ERCC6: variants seen among roughly 807,000 people sequenced by gnomAD.
The protein encoded by ERCC6 is ERCC excision repair 6, chromatin remodeling factor.
In ERCC6, 116 loss-of-function variants were observed where a neutral mutation model predicts 158.7. The observed-to-expected ratio is 0.73, with a 90% CI of 0.63 to 0.85. The LOEUF (loss-of-function observed/expected upper bound fraction) is 0.85, where lower values mean the gene tolerates loss of function less well. Ranked by LOEUF, ERCC6 falls within the 40% of genes least tolerant of loss-of-function variation. The pLI, the probability that ERCC6 is intolerant of heterozygous loss-of-function variation, is 0.00. For missense variants in ERCC6, 1,698 were observed against 1,799.4 expected, an observed-to-expected ratio of 0.94 and a Z score of 1.02; for synonymous variants, 678 against 659.3, an observed-to-expected ratio of 1.03 and a Z score of -0.43.
the ERCC6 span, among the ~76,000 whole-genome samples, chr10:49,436,185 G>A: frequency 6.6e-6 from 1 of 151,984 alleles, no homozygotes; most frequent in South Asian, 2.1e-4. Flanking sequence ...CTCTCTCCAT[G>A]CTTAAAAATT....
At chr10:49,481,903 C>A (rs149860966) in intron 10 of ERCC6, among the ~76,000 whole-genome samples, 1 of 152,316 alleles carries the variant, frequency 6.6e-6, no homozygotes, top group African/African-American at 2.4e-5. Flanking sequence ...GTGGTTCCTG[C>A]AGGTCACTCA....
At chr10:49,446,329 A>T in the ERCC6 span, among the ~76,000 whole-genome samples, 1 of 152,152 alleles carries the variant, frequency 6.6e-6, no homozygotes, top group Non-Finnish European at 1.5e-5. Flanking sequence ...ACCTCCAGCC[A>T]GTGCAGTAAT....
rs186126620 is a variant in ERCC6 at position 49,508,696 on chromosome 10, G to A, written c.1398-2684C>T. On this transcript the variant is annotated intron_variant, in intron 5 of 20. Coordinates refer to ENST00000355832, the MANE Select transcript of ERCC6 (RefSeq NM_000124.4). The stretch of plus-strand genomic sequence containing the variant: ...AACCACATGCATACAGAGCTCAGGC[G>A]AAGAGATTCTTCTGTTACATAAGCA... Among the ~76,000 whole-genome samples the A allele has an allele frequency of 2.6e-5, 4 of 152,226 alleles. No individual in the cohort carries two copies. In the East Asian group the frequency reaches 5.8e-4, roughly 22 times the overall value.
intron 8 of ERCC6, among the ~76,000 whole-genome samples, chr10:49,491,440 C>T (rs1246848334): frequency 1.3e-5 from 2 of 152,134 alleles, no homozygotes; most frequent in African/African-American, 4.8e-5. Context: ...AAGTTAGAGT[C>T]CTTGGTAAAC....
intron 18 of ERCC6, among the ~76,000 whole-genome samples, chr10:49,467,848 C>T (rs1180194205): frequency 1.3e-5 from 2 of 152,094 alleles, no homozygotes; most frequent in Admixed American, 6.6e-5. Context: ...GGATTACAGG[C>T]TGAGCCACCA....
At chr10:49,514,286 C>G (rs565522767) in intron 5 of ERCC6, among the ~76,000 whole-genome samples, 1 of 152,248 alleles carries the variant, frequency 6.6e-6, no homozygotes, top group South Asian at 2.1e-4. Flanking sequence ...ACAGTAAAAT[C>G]AGTTTAGCAG....
At position 49,482,786 on chromosome 10, in the gene ERCC6, G is replaced by A. The variant is rs1462772442; in HGVS notation, c.2070C>T (p.Asp690=). The A allele has an allele frequency of 1.9e-6, 3 of 1,613,408 alleles. No homozygotes were observed. Among genetic ancestry groups the A allele is most frequent in the Admixed American group, 1.7e-5 (1 of 59,916 alleles). The change falls in exon 10 of 21, where the codon GAC becomes GAT. Residue 690 remains aspartate (D), a synonymous_variant. Coordinates refer to ENST00000355832, the MANE Select transcript of ERCC6 (RefSeq NM_000124.4). ...NNLRELWSLF[D]FIFPGKLGTL... ...TGCCTAACTTTCCCGGGAAGATGAA[G>A]TCAAAGAGCGACCACAGCTCTCGGA...
intron 7 of ERCC6, among the ~76,000 whole-genome samples, chr10:49,494,716 C>A (rs749184579): frequency 1.7e-4 from 26 of 152,186 alleles, no homozygotes; most frequent in Non-Finnish European, 3.1e-4. Context: ...GACTGACCAA[C>A]TTTGTAAGGA....
chr10:49,473,169 G>A (rs1418213549), intron 14 of ERCC6, 141 bp from the exon 15 acceptor site: 6 of 1,153,808 alleles, frequency 5.2e-6, no homozygotes, highest in Non-Finnish European at 7.5e-6. Flanking sequence ...GACCTCTGGT[G>A]AATCAAAATC....
Position 49,470,372 on chromosome 10 carries a change from C to T in ERCC6, c.3588G>A (p.Leu1196=). ...TTTGCTTTGGTCTCAGATGTTTCTC[C>T]AGGGTCTCTTCTTCTGCCACACTAT... ...KHHSVAEEET[L]EKHLRPKQKP... Residue 1196 remains leucine, a synonymous_variant, in exon 18 of 21, where the codon CTG becomes CTA. Transcript: ENST00000355832. The T allele has an allele frequency of 6.2e-7, 1 of 1,614,176 alleles. No homozygotes were observed. Among genetic ancestry groups the T allele is most frequent in the Non-Finnish European group, 8.5e-7 (1 of 1,180,020 alleles).
At chr10:49,507,766 G>A (rs541966306) in intron 5 of ERCC6, among the ~76,000 whole-genome samples, 1 of 152,120 alleles carries the variant, frequency 6.6e-6, no homozygotes. Context: ...CATCTTGCAG[G>A]TGAGTCCAGG....
the ERCC6 span, among the ~76,000 whole-genome samples, chr10:49,438,869 G>A: frequency 6.6e-6 from 1 of 152,218 alleles, no homozygotes; most frequent in African/African-American, 2.4e-5. Flanking sequence ...CAGCAGGGCA[G>A]TCAAATTTTA....
Position 49,483,452 on chromosome 10 carries a change from C to T in ERCC6, c.1886G>A (p.Arg629Gln), listed in dbSNP as rs1468281496. ...CCTGCTAATGTCATCCTGCATCAAT[C>T]GAATGTAGGAGTAAGATGTGATCAA... ...GILITSYSYI[R>Q]LMQDDISRYD... Residue 629 changes from arginine to glutamine, a missense_variant, in exon 9 of 21, where the codon CGA becomes CAA. Coordinates refer to ENST00000355832, the MANE Select transcript of ERCC6 (RefSeq NM_000124.4). The T allele has an allele frequency of 1.2e-6, 2 of 1,613,620 alleles. No homozygotes were observed. Among genetic ancestry groups the T allele is most frequent in the Admixed American group, 1.7e-5 (1 of 59,994 alleles).
intron 18 of ERCC6, among the ~76,000 whole-genome samples, chr10:49,466,435 T>C (rs1850676233): frequency 6.6e-6 from 1 of 152,182 alleles, no homozygotes; most frequent in Admixed American, 6.5e-5. Flanking sequence ...GAAATGAAAT[T>C]GGAGACAACA....
At chr10:49,517,069 T>C in intron 5 of ERCC6, 3 of 1,608,918 alleles carry the variant, frequency 1.9e-6, no homozygotes, top group Non-Finnish European at 2.6e-6. Context: ...CTGTCATCTG[T>C]CTCTAAAAGG....
At chr10:49,473,729 T>C (rs1054336235) in intron 13 of ERCC6, 142 bp from the exon 14 acceptor site, 5 of 726,212 alleles carry the variant, frequency 6.9e-6, no homozygotes, top group Admixed American at 2.0e-5. Context: ...TAAACAGAAC[T>C]GTTAAAAGAG....
At chr10:49,452,123 T>C (rs947203977), downstream of ERCC6, among the ~76,000 whole-genome samples, 5 of 151,952 alleles carry the variant, frequency 3.3e-5, no homozygotes, top group African/African-American at 1.2e-4. Flanking sequence ...ACTCTAATTT[T>C]ATTATTTCCT....
intron 9 of ERCC6, 53 bp downstream of exon 9, chr10:49,483,293 G>A (rs1590418105): frequency 1.3e-6 from 2 of 1,554,588 alleles, no homozygotes; most frequent in Middle Eastern, 1.7e-4. Context: ...AGTTTATTCT[G>A]AATTAATTAT....
Position 49,516,299 on chromosome 10 carries a change from G to T in ERCC6, c.1397+7734C>A, listed in dbSNP as rs372372920. 3 of 1,614,006 alleles carry T rather than the reference G, an allele frequency of 1.9e-6. No homozygotes were observed. The African/African-American group carries it at 4.0e-5, about 22-fold the overall frequency. On this transcript the variant is annotated intron_variant, in intron 5 of 20. Coordinates refer to ENST00000355832, the MANE Select transcript of ERCC6 (RefSeq NM_000124.4). ...CGTGACGACCAAAATAAGGAACCAT[G>T]AATTCATCAAAGCTGAAATATGTTT...
Sources: gnomAD v4.1 joint callset for allele counts (sites outside exome capture counted in the v4.1 genomes callset) on GRCh38, gnomAD v4.1.1 for gene constraint, MANE v1.5 for transcripts, NCBI Gene and HGNC (gene_info 2026-07-23, HGNC 2026-07-21) for gene names.